GLYR1: variants seen among roughly 807,000 people sequenced by gnomAD.
GLYR1 encodes the protein glyoxylate reductase 1 homolog, also known as cytokine-like nuclear factor N-PAC.
In GLYR1, 21 loss-of-function variants were observed where a neutral mutation model predicts 72.7. The ratio of observed to expected loss-of-function variants is 0.29; its 90% CI spans 0.20 to 0.42. GLYR1 has a LOEUF of 0.42. Ranked by LOEUF, GLYR1 falls within the 10% of genes least tolerant of loss-of-function variation. GLYR1 has a pLI of 1.00. For synonymous variants in GLYR1, 392 were observed against 270.2 expected, an observed-to-expected ratio of 1.45 and a Z score of -4.42; for missense variants, 594 against 712.1, an observed-to-expected ratio of 0.83 and a Z score of 1.89.
chr16:4,824,147 G>C (rs2084226005), intron 5 of GLYR1, among the ~76,000 whole-genome samples: 1 of 152,170 alleles, frequency 6.6e-6, no homozygotes, highest in South Asian at 2.1e-4. Flanking sequence ...TAATTAGAAA[G>C]CCCAAGTACG....
Position 4,834,117 on chromosome 16 carries a change from C to T in GLYR1, c.156-1205G>A, listed in dbSNP as rs565303449. 4.6e-5 allele frequency among the ~76,000 whole-genome samples: 7 copies of T among 152,246 alleles called. No homozygotes were observed. In the South Asian group the frequency reaches 1.5e-3, roughly 32 times the overall value. Reference sequence around the variant, plus strand: ...ACCAGCTACCTGGACTTTGAGTGTGCTGCTGGTAGTTGTGATAATGGGGTC... The same window carrying T: ...ACCAGCTACCTGGACTTTGAGTGTGTTGCTGGTAGTTGTGATAATGGGGTC... On this transcript the variant is annotated intron_variant, in intron 3 of 15. Transcript: ENST00000321919.
chr16:4,807,129 T>TTTTA (rs2083037522), intron 15 of GLYR1, among the ~76,000 whole-genome samples: 1 of 136,850 alleles, frequency 7.3e-6, no homozygotes, highest in African/African-American at 2.7e-5. Context: ...TTTTTTTTTT[T>TTTTA]GAGACGGAGT....
chr16:4,838,378 C>G (rs1455172796), intron 3 of GLYR1, among the ~76,000 whole-genome samples: 3 of 152,122 alleles, frequency 2.0e-5, no homozygotes, highest in Admixed American at 6.5e-5. Flanking sequence ...AAATAAGAAC[C>G]AGAAAGATGA....
chr16:4,845,357 A>C (rs529930492), intron 2 of GLYR1, among the ~76,000 whole-genome samples: 85 of 152,340 alleles, frequency 5.6e-4, no homozygotes, highest in African/African-American at 2.0e-3. Flanking sequence ...AGGTGTATGG[A>C]AATGTGTAGA....
intron 6 of GLYR1, among the ~76,000 whole-genome samples, chr16:4,823,208 A>G (rs1596344849): frequency 6.6e-6 from 1 of 152,258 alleles, no homozygotes; most frequent in Non-Finnish European, 1.5e-5. Flanking sequence ...GAAAATATTA[A>G]CAAGCATACC....
rs781177744 is a variant in GLYR1, at chr16:4,832,148, C to G, written c.368G>C (p.Gly123Ala). Residue 123 changes from glycine (G) to alanine (A), a missense_variant, in exon 5 of 16, where the codon GGT becomes GCT. Transcript: ENST00000321919. ...CAGGCTAAGTTTGCGCTTCTCATCA[C>G]CTGAGTTTGGCCTACTTCTCTCCTC... Reference protein sequence around the residue: ...SSEERSRPNSGDEKRKLSLSE... With the variant: ...SSEERSRPNSADEKRKLSLSE... The G allele has an allele frequency of 6.2e-7, 1 of 1,614,058 alleles. No homozygotes were observed. Among genetic ancestry groups the G allele is most frequent in the African/African-American group, 1.3e-5 (1 of 74,908 alleles).
rs771536470 is a variant in GLYR1, at chr16:4,821,464, G to A, written c.733-11C>T. The A allele has an allele frequency of 2.5e-6, 4 of 1,613,992 alleles. No individual in the cohort carries two copies. The highest frequency in any genetic ancestry group is 2.2e-5 in the South Asian group (2 of 91,084). On this transcript the variant is annotated splice_polypyrimidine_tract_variant and intron_variant, in intron 8 of 15. Transcript: ENST00000321919. The stretch of plus-strand genomic sequence containing the variant: ...GGTGGAGCCAGTTTCCTACGGACAG[G>A]AAGCACACATCATCAAGTCAGTCTG...
In GLYR1 at chr16:4,821,576, T is replaced by C. The variant is rs372944153; in HGVS notation, c.703A>G (p.Ile235Val). 1.1e-4 allele frequency: 174 copies of C among 1,613,934 alleles called. No homozygotes were observed. Among genetic ancestry groups the C allele is most frequent in the Non-Finnish European group, 1.4e-4 (169 of 1,180,040 alleles). ...TEKPAVCYQA[I>V]TKKLKICEEE... ...TCACATATTTTCAACTTCTTCGTGA[T>C]TGCCTGGTAACAGACAGCTGGCTAA... The change falls in exon 8 of 16, where the codon ATC becomes GTC. Residue 235 changes from isoleucine (I) to valine (V), a missense_variant. Physicochemically the swap from Ile to Val is conservative, Grantham distance 29. This residue lies in a region of GLYR1 where 252 missense variants were observed against 211.3 expected (regional missense o/e 1.19). Coordinates refer to ENST00000321919, the MANE Select transcript of GLYR1 (RefSeq NM_032569.4).
intron 5 of GLYR1, among the ~76,000 whole-genome samples, chr16:4,830,057 G>A (rs1364507269): frequency 1.3e-5 from 2 of 151,954 alleles, no homozygotes; most frequent in Non-Finnish European, 2.9e-5. Context: ...TCCTGCACTG[G>A]CCTCCCAAAG....
rs538695659 is a variant in GLYR1, at chr16:4,813,075, G to A, written c.1119+662C>T. 7.9e-5 allele frequency among the ~76,000 whole-genome samples: 12 copies of A among 151,950 alleles called. 1 individual carries two copies. In the South Asian group the frequency reaches 1.9e-3, roughly 24 times the overall value. ...CCTCCTGGGTTCATGCCGCTCTCCT[G>A]CCTCAGCCTCCCAAGTAGCTGGGAC... On this transcript the variant is annotated intron_variant, in intron 12 of 15. Coordinates refer to ENST00000321919, the MANE Select transcript of GLYR1 (RefSeq NM_032569.4).
intron 3 of GLYR1, among the ~76,000 whole-genome samples, chr16:4,837,608 G>C (rs1283385793): frequency 6.6e-6 from 1 of 151,952 alleles, no homozygotes; most frequent in African/African-American, 2.4e-5. Flanking sequence ...GATGGCAGGG[G>C]GAGGGAGACA....
Position 4,806,247 on chromosome 16 carries a change from C to T in GLYR1, c.1588-937G>A, listed in dbSNP as rs114775041. Among the ~76,000 whole-genome samples the T allele has an allele frequency of 4.9e-3, 748 of 152,172 alleles. 3 individuals carry two copies. The highest frequency in any genetic ancestry group is 0.017 in the African/African-American group (711 of 41,492). On this transcript the variant is annotated intron_variant, in intron 15 of 15. Transcript: ENST00000321919. The stretch of plus-strand genomic sequence containing the variant: ...CCCCCACACAGAATGGCAGCAGTGC[C>T]GAGGTTGAGAAACCCTGCCTTAAAG...
At chr16:4,821,867 A>C (rs1412942687) in intron 7 of GLYR1, among the ~76,000 whole-genome samples, 1 of 152,196 alleles carries the variant, frequency 6.6e-6, no homozygotes, top group East Asian at 1.9e-4. Context: ...CCAAAGCCAC[A>C]AACTCTCATG....
chr16:4,809,151 T>C (rs907308840), intron 15 of GLYR1, among the ~76,000 whole-genome samples: 2 of 149,428 alleles, frequency 1.3e-5, no homozygotes, highest in African/African-American at 4.9e-5. Flanking sequence ...ATACATACCA[T>C]GAAAACAATA....
chr16:4,805,188 A>G lies in GLYR1; in HGVS notation c.*48T>C, dbSNP rs965120275. The G allele has an allele frequency of 2.7e-6, 4 of 1,499,670 alleles. No homozygotes were observed. Among genetic ancestry groups the G allele is most frequent in the Non-Finnish European group, 3.7e-6 (4 of 1,078,394 alleles). 92.9% of individuals were successfully genotyped at this position (1,499,670 alleles called of 1,614,324 possible). On this transcript the variant is annotated 3_prime_UTR_variant, in exon 16 of 16. Coordinates refer to ENST00000321919, the MANE Select transcript of GLYR1 (RefSeq NM_032569.4). ...AGGCCCCCGACCCCATGTGAGGAAG[A>G]GGGGGTCAGAGGGGGGATTGGAGGG...
chr16:4,811,448 G>T (rs2083318210), intron 14 of GLYR1, among the ~76,000 whole-genome samples, 154 bp from the exon 15 acceptor site: 1 of 152,088 alleles, frequency 6.6e-6, no homozygotes. Context: ...GACACCTGAG[G>T]GCTGCAGCTC....
intron 10 of GLYR1, among the ~76,000 whole-genome samples, chr16:4,815,755 G>A (rs1395537053): frequency 6.6e-6 from 1 of 151,530 alleles, no homozygotes; most frequent in Non-Finnish European, 1.5e-5. Context: ...CTTCCTACCT[G>A]ATCATTTAAC....
In GLYR1 at chr16:4,817,910, A is replaced by C. The variant is rs534419756; in HGVS notation, c.807-213T>G. On this transcript the variant is annotated intron_variant, in intron 9 of 15. Transcript: ENST00000321919. The stretch of plus-strand genomic sequence containing the variant: ...TGGTCTAAAGCTGTCCCAGGATGTA[A>C]ACAGGCATTTTGAAACCCCTGACTG... The C allele has an allele frequency of 1.5e-5, 8 of 529,794 alleles. No individual in the cohort carries two copies. In the South Asian group the frequency reaches 1.6e-4, roughly 11 times the overall value. The allele number at this position is 529,794 out of a possible 1,614,324, so 32.8% of individuals were successfully genotyped here.
chr16:4,822,499 T>C (rs2084101023), intron 7 of GLYR1, among the ~76,000 whole-genome samples: 1 of 151,772 alleles, frequency 6.6e-6, no homozygotes, highest in Non-Finnish European at 1.5e-5. Flanking sequence ...CAAGCAATTC[T>C]CCTGCCTCAG....
Sources: gnomAD v4.1 joint callset for allele counts (sites outside exome capture counted in the v4.1 genomes callset) on GRCh38, gnomAD v4.1.1 for gene constraint, gnomAD v4.1.1 regional missense constraint, MANE v1.5 for transcripts, NCBI Gene and HGNC (gene_info 2026-07-23, HGNC 2026-07-21) for gene names.